The following NEK11 variants were observed in gnomAD, a reference collection of about 807,000 sequenced individuals.
NEK11 encodes the protein serine/threonine-protein kinase Nek11.
NEK11 carries 72 observed loss-of-function variants against 80.7 expected under a neutral mutation model. That is an observed-to-expected ratio of 0.89 (90% CI 0.74 to 1.08). The LOEUF is 1.08. Ranked by LOEUF, NEK11 falls within the 50% of genes least tolerant of loss-of-function variation. The pLI, the probability that NEK11 is intolerant of heterozygous loss-of-function variation, is 0.00. For missense variants in NEK11, 764 were observed against 763.6 expected (o/e 1.00, Z -0.01); for synonymous variants, 251 against 260.7 (o/e 0.96, Z 0.36).
chr3:131,114,583 A>G (rs1054609290), intron 5 of NEK11, among the ~76,000 whole-genome samples: 6 of 152,164 alleles, frequency 3.9e-5, no homozygotes, highest in Admixed American at 1.3e-4. Context: ...AGACATGACA[A>G]TCATCCAGTC....
intron 12 of NEK11, among the ~76,000 whole-genome samples, 184 bp from the exon 13 acceptor site, chr3:131,168,646 G>T (rs1162008924): frequency 6.6e-6 from 1 of 152,038 alleles, no homozygotes; most frequent in East Asian, 1.9e-4. Context: ...GTGAGCCACC[G>T]CGCCCGGCCG....
At chr3:131,123,168 G>A (rs940187863) in intron 5 of NEK11, among the ~76,000 whole-genome samples, 1 of 151,866 alleles carries the variant, frequency 6.6e-6, no homozygotes, top group African/African-American at 2.4e-5. Flanking sequence ...AATACATTAC[G>A]ATTTTTTTTT....
intron 3 of NEK11, among the ~76,000 whole-genome samples, chr3:131,069,209 G>A (rs2072696468): frequency 6.6e-6 from 1 of 151,994 alleles, no homozygotes; most frequent in Non-Finnish European, 1.5e-5. Context: ...ACTTTAAACA[G>A]TGTTTATCTT....
chr3:131,213,202 C>A (rs555413149), intron 14 of NEK11, among the ~76,000 whole-genome samples: 1 of 151,948 alleles, frequency 6.6e-6, no homozygotes, highest in African/African-American at 2.4e-5. Context: ...CACACACACA[C>A]ACACACACAC....
At chr3:131,046,332 C>T (rs1201735553) in intron 3 of NEK11, among the ~76,000 whole-genome samples, 1 of 152,046 alleles carries the variant, frequency 6.6e-6, no homozygotes, top group East Asian at 1.9e-4. Flanking sequence ...ATTTGTTTGT[C>T]TGAAAAAGAC....
intron 14 of NEK11, among the ~76,000 whole-genome samples, chr3:131,207,646 A>T (rs1329126390): frequency 6.6e-6 from 1 of 152,000 alleles, no homozygotes; most frequent in Non-Finnish European, 1.5e-5. Context: ...TGACTTTTTA[A>T]TGATCAACAT....
In NEK11 at chr3:131,335,227, A is replaced by G. The variant is rs538869376; in HGVS notation, c.1719-14330A>G. On this transcript the variant is annotated intron_variant, in intron 17 of 17. Transcript: ENST00000383366. ...TTGATGCAAAAATCCTCAATAAAAT[A>G]CTGGCAAACCAAATCCAGCAGCACA... Among the ~76,000 whole-genome samples the G allele has an allele frequency of 3.9e-5, 6 of 152,382 alleles. No homozygotes were observed. The South Asian group carries it at 1.0e-3, about 26-fold the overall frequency.
intron 7 of NEK11, among the ~76,000 whole-genome samples, chr3:131,136,115 T>G (rs1488105373): frequency 6.6e-6 from 1 of 152,028 alleles, no homozygotes; most frequent in African/African-American, 2.4e-5. Flanking sequence ...TTTTAATGTG[T>G]TTCTCTGAGC....
chr3:131,089,770 A>G (rs1189595714), intron 4 of NEK11, among the ~76,000 whole-genome samples: 1 of 152,100 alleles, frequency 6.6e-6, no homozygotes, highest in Non-Finnish European at 1.5e-5. Flanking sequence ...ATTGATGATA[A>G]TGATAATGAT....
chr3:131,121,330 C>G (rs1403368862), intron 5 of NEK11, among the ~76,000 whole-genome samples: 1 of 152,218 alleles, frequency 6.6e-6, no homozygotes, highest in East Asian at 1.9e-4. Context: ...ATGTTGCTGC[C>G]TGATCCTTCC....
At chr3:131,165,254 G>A (rs2092092843) in intron 11 of NEK11, 172 bp from the exon 12 acceptor site, 1 of 564,730 alleles carries the variant, frequency 1.8e-6, no homozygotes, top group Non-Finnish European at 3.2e-6. Flanking sequence ...TGCTTTAAAA[G>A]AGAATCAGCC....
At chr3:131,274,948 C>T (rs530082655) in intron 17 of NEK11, among the ~76,000 whole-genome samples, 101 of 151,688 alleles carry the variant, frequency 6.7e-4, no homozygotes, top group African/African-American at 1.9e-3. Flanking sequence ...CCACCGCGCC[C>T]GGCCGTTTCC....
At chr3:131,266,978 T>C (rs1213356361) in intron 16 of NEK11, among the ~76,000 whole-genome samples, 2 of 152,240 alleles carry the variant, frequency 1.3e-5, no homozygotes, top group Non-Finnish European at 1.5e-5. Context: ...TTTGTTGGTT[T>C]AAAGTCTGTT....
chr3:131,169,193 C>T (rs1293212219), intron 13 of NEK11, among the ~76,000 whole-genome samples: 1 of 152,168 alleles, frequency 6.6e-6, no homozygotes, highest in Non-Finnish European at 1.5e-5. Flanking sequence ...TCTTTGAGTG[C>T]TTTCCTCCCC....
chr3:131,292,029 C>T (rs188264461), intron 17 of NEK11, among the ~76,000 whole-genome samples: 1 of 152,220 alleles, frequency 6.6e-6, no homozygotes, highest in Admixed American at 6.5e-5. Context: ...TTTATGTTAT[C>T]TTCTAGGAGT....
At chr3:131,331,642 C>G (rs975770981) in intron 17 of NEK11, among the ~76,000 whole-genome samples, 3 of 152,156 alleles carry the variant, frequency 2.0e-5, no homozygotes, top group Non-Finnish European at 4.4e-5. Flanking sequence ...GTGCGTGAGC[C>G]GAAGCAGGGC....
intron 17 of NEK11, among the ~76,000 whole-genome samples, chr3:131,285,176 G>C (rs2096455460): frequency 6.6e-6 from 1 of 152,222 alleles, no homozygotes; most frequent in Non-Finnish European, 1.5e-5. Flanking sequence ...CTCTTTAGCA[G>C]GTGGGCCCAT....
chr3:131,282,504 C>A (rs1453650124), intron 17 of NEK11, among the ~76,000 whole-genome samples: 1 of 152,136 alleles, frequency 6.6e-6, no homozygotes, highest in Non-Finnish European at 1.5e-5. Flanking sequence ...GCATCTGTGT[C>A]ATAGATGCCT....
At chr3:131,264,573 C>T (rs1023273299) in intron 16 of NEK11, among the ~76,000 whole-genome samples, 8 of 152,010 alleles carry the variant, frequency 5.3e-5, no homozygotes, top group African/African-American at 7.2e-5. Flanking sequence ...TTGATCTATA[C>T]CTCTGTTTTG....
Sources: gnomAD v4.1 joint callset for allele counts (sites outside exome capture counted in the v4.1 genomes callset) on GRCh38, gnomAD v4.1.1 for gene constraint, MANE v1.5 for transcripts, NCBI Gene and HGNC (gene_info 2026-07-23, HGNC 2026-07-21) for gene names.